The following DIPK2A variants were observed in gnomAD, a reference collection of about 807,000 sequenced individuals.
The protein encoded by DIPK2A is Golgi Protein of 49 kDa.
DIPK2A carries 27 observed loss-of-function variants against 39.0 expected under a neutral mutation model. That is an observed-to-expected ratio of 0.69 (90% CI 0.51 to 0.96). The LOEUF (loss-of-function observed/expected upper bound fraction) is 0.96. Among genes scored for constraint, DIPK2A ranks in the 40% least tolerant of loss-of-function variants. The pLI is 0.00. For missense variants in DIPK2A, 528 were observed against 571.3 expected (o/e 0.92, Z 0.77); for synonymous variants, 298 against 240.8 (o/e 1.24, Z -2.20).
chr3:143,986,655 G>C (rs955624994), intron 2 of DIPK2A, among the ~76,000 whole-genome samples: 6 of 151,242 alleles, frequency 4.0e-5, no homozygotes, highest in African/African-American at 1.5e-4. Flanking sequence ...ACCCCAGGGG[G>C]CGGAGCCTGC....
chr3:143,980,826 A>G (rs763318429), intron 1 of DIPK2A, among the ~76,000 whole-genome samples: 28 of 152,150 alleles, frequency 1.8e-4, no homozygotes, highest in Non-Finnish European at 3.1e-4. Flanking sequence ...CTGCAAAGCT[A>G]TGTTCCTTTT....
chr3:143,985,745 A>G lies in DIPK2A; in HGVS notation c.860A>G (p.Asp287Gly). ...NDFEFALYLL[D>G]VSFDNFAVGP... ...TTTGAATTTGCACTCTACCTCCTGGACGTCAGCTTTGACAATTTTGCAGTT... is the reference window on the plus strand; with the variant it reads ...TTTGAATTTGCACTCTACCTCCTGGGCGTCAGCTTTGACAATTTTGCAGTT... The change falls in exon 2 of 3, where the codon GAC becomes GGC. Residue 287 changes from aspartate to glycine, a missense_variant. By Grantham distance (94) the Asp-to-Gly change is moderately conservative. This residue lies in a region of DIPK2A where 219 missense variants were observed against 281.5 expected (regional missense o/e 0.78). Coordinates refer to ENST00000315691, the MANE Select transcript of DIPK2A (RefSeq NM_173552.5). 1 of 1,614,170 alleles carries G rather than the reference A, an allele frequency of 6.2e-7. No individual in the cohort carries two copies. The highest frequency in any genetic ancestry group is 8.5e-7 in the Non-Finnish European group (1 of 1,179,990).
rs995581146 is a variant in DIPK2A, at chr3:143,989,727, C to T, written c.1179C>T (p.Gly393=). 3 of 1,614,240 alleles carry T rather than the reference C, an allele frequency of 1.9e-6. No homozygotes were observed. The highest frequency in any genetic ancestry group is 1.7e-5 in the Admixed American group (1 of 60,022). ...HDPPSEIAKD[G]RLEALLDECA... ...CACCAAGTGAAATTGCCAAAGATGGCCGGCTCGAGGCCTTGCTGGATGAGT... is the reference window on the plus strand; with the variant it reads ...CACCAAGTGAAATTGCCAAAGATGGTCGGCTCGAGGCCTTGCTGGATGAGT... Residue 393 remains glycine, a synonymous_variant, in exon 3 of 3, where the codon GGC becomes GGT. Transcript: ENST00000315691.
intron 1 of DIPK2A, chr3:143,973,541 G>A (rs1419584707): frequency 1.9e-6 from 3 of 1,551,352 alleles, no homozygotes; most frequent in East Asian, 2.4e-5. Flanking sequence ...GGATGAAGTC[G>A]GAGAACGGGA....
At chr3:143,989,367 A>G (rs995103296) in intron 2 of DIPK2A, 143 bp from the exon 3 acceptor site, 2 of 595,602 alleles carry the variant, frequency 3.4e-6, no homozygotes, top group Non-Finnish European at 5.8e-6. Flanking sequence ...ATGAATTTAT[A>G]TATTTAAATG....
In DIPK2A at chr3:143,972,469, A is replaced by G; in HGVS notation, c.137A>G (p.Asp46Gly). The G allele has an allele frequency of 6.2e-7, 1 of 1,605,294 alleles. No homozygotes were observed. Among genetic ancestry groups the G allele is most frequent in the Non-Finnish European group, 8.5e-7 (1 of 1,175,180 alleles). ...LASWQRNELT[D>G]RRFLQLNKCP... ...TCTTGGCAGCGCAACGAACTGACCG[A>G]CCGGCGCTTCCTGCAGCTCAATAAG... Residue 46 changes from aspartate to glycine, a missense_variant, in exon 1 of 3, where the codon GAC (aspartate) becomes GGC (glycine). Asp to Gly is a moderately conservative substitution (Grantham distance 94, BLOSUM62 -1). Around this residue, in one of 2 missense-constraint regions of DIPK2A, gnomAD observed 309 missense variants for 289.8 expected, o/e 1.07. Transcript: ENST00000315691.
chr3:143,976,130 C>A (rs1432973123), intron 1 of DIPK2A, among the ~76,000 whole-genome samples: 1 of 152,016 alleles, frequency 6.6e-6, no homozygotes, highest in African/African-American at 2.4e-5. Context: ...ATATAAATTT[C>A]CCCATATGAA....
At chr3:143,978,586 ATATCTATC>A (rs370180376) in intron 1 of DIPK2A, 2 of 87,146 alleles carry the variant, frequency 2.3e-5, no homozygotes, top group African/African-American at 7.7e-5. Flanking sequence ...AAAGGTATCT[ATATCTATC>A]TATCTATCTA....
chr3:143,992,197 A>C lies in DIPK2A; in HGVS notation c.*2356A>C, dbSNP rs754886514. 6.6e-6 allele frequency: 1 copy of C among 152,602 alleles called. No homozygotes were observed. The highest frequency in any genetic ancestry group is 1.5e-5 in the Non-Finnish European group (1 of 68,022). The allele number at this position is 152,602 out of a possible 1,614,324, so 9.5% of individuals were successfully genotyped here. On this transcript the variant is annotated 3_prime_UTR_variant, in exon 3 of 3. Transcript: ENST00000315691. ...TCATTGCCCATTAATAGACGCAGTA[A>C]AATATTTTTGAATCAGACATTTGGG...
rs1201319749 is a variant in DIPK2A, at chr3:143,978,638, A to G, written c.657+5649A>G. ...TATCTATATCTATATATATATATAT[A>G]TCTATATATATATATATATATCTAT... is the stretch of plus-strand genomic sequence containing the variant. On this transcript the variant is annotated intron_variant, in intron 1 of 2. Coordinates refer to ENST00000315691, the MANE Select transcript of DIPK2A (RefSeq NM_173552.5). The G allele has an allele frequency of 4.4e-4, 32 of 72,304 alleles. No homozygotes were observed. The Middle Eastern group carries it at 0.021, about 48-fold the overall frequency. The allele number at this position is 72,304 out of a possible 1,614,324, so 4.5% of individuals were successfully genotyped here.
At chr3:143,978,642 A>ATATC (rs2087774557) in intron 1 of DIPK2A, 3 of 34,520 alleles carry the variant, frequency 8.7e-5, no homozygotes, top group Admixed American at 2.9e-4. Context: ...ATATATATCT[A>ATATC]TATATATATA....
In DIPK2A at chr3:143,985,743, G is replaced by C; in HGVS notation, c.858G>C (p.Leu286=). ...ACTTTGAATTTGCACTCTACCTCCT[G>C]GACGTCAGCTTTGACAATTTTGCAG... The part of the protein sequence containing the change: ...NNDFEFALYL[L]DVSFDNFAVG... Residue 286 remains leucine, a synonymous_variant, in exon 2 of 3, where the codon CTG becomes CTC. Coordinates refer to ENST00000315691, the MANE Select transcript of DIPK2A (RefSeq NM_173552.5). The C allele has an allele frequency of 3.1e-6, 5 of 1,614,108 alleles. No individual in the cohort carries two copies. The highest frequency in any genetic ancestry group is 4.2e-6 in the Non-Finnish European group (5 of 1,179,990).
intron 1 of DIPK2A, among the ~76,000 whole-genome samples, chr3:143,981,000 T>C (rs1576809507): frequency 6.6e-6 from 1 of 152,330 alleles, no homozygotes; most frequent in South Asian, 2.1e-4. Context: ...TCTCATGTCA[T>C]TTATTTTTTG....
Position 143,982,289 on chromosome 3 carries a change from T to A in DIPK2A, c.658-3254T>A, listed in dbSNP as rs138218718. Reference sequence around the variant, plus strand: ...GGGTTCATTATTTGTAGATGCCGTTTTAGTAGGTGTTTAGGAGGTGCATGA... The same window carrying A: ...GGGTTCATTATTTGTAGATGCCGTTATAGTAGGTGTTTAGGAGGTGCATGA... On this transcript the variant is annotated intron_variant, in intron 1 of 2. Coordinates refer to ENST00000315691, the MANE Select transcript of DIPK2A (RefSeq NM_173552.5). Among the ~76,000 whole-genome samples the A allele has an allele frequency of 5.3e-5, 8 of 152,286 alleles. 1 individual carries two copies. The highest frequency in any genetic ancestry group is 1.9e-4 in the African/African-American group (8 of 41,562).
At chr3:143,983,640 T>G (rs866643517) in intron 1 of DIPK2A, among the ~76,000 whole-genome samples, 1 of 151,882 alleles carries the variant, frequency 6.6e-6, no homozygotes, top group Admixed American at 6.6e-5. Flanking sequence ...ACATCACAAT[T>G]AAAAGAACTG....
intron 1 of DIPK2A, chr3:143,973,703 C>G (rs936161754): frequency 6.1e-6 from 4 of 650,430 alleles, no homozygotes; most frequent in South Asian, 1.9e-5. Context: ...CCCTATTCAT[C>G]TGGTAATCTA....
intron 2 of DIPK2A, among the ~76,000 whole-genome samples, chr3:143,988,205 C>A (rs1234780117): frequency 1.3e-5 from 2 of 151,808 alleles, no homozygotes; most frequent in Non-Finnish European, 2.9e-5. Context: ...CTCAAGTGAT[C>A]TTCCTGCCTC....
intron 1 of DIPK2A, among the ~76,000 whole-genome samples, chr3:143,980,464 A>G (rs1001825317): frequency 6.6e-6 from 1 of 151,970 alleles, no homozygotes; most frequent in Non-Finnish European, 1.5e-5. Flanking sequence ...GACGAGTTTC[A>G]CCATGTTGGC....
rs944791663 is a variant in DIPK2A, at chr3:143,985,953, T to G, written c.961+107T>G. ...GAATTTCCTCCTTAGATGGCAACTT[T>G]AAGCGTCTTTCTTTGCTTTATATGA... On this transcript the variant is annotated intron_variant, in intron 2 of 2. Coordinates refer to ENST00000315691, the MANE Select transcript of DIPK2A (RefSeq NM_173552.5). 4.7e-6 allele frequency: 4 copies of G among 845,398 alleles called. No homozygotes were observed. The African/African-American group carries it at 6.9e-5, about 15-fold the overall frequency. The allele number at this position is 845,398 out of a possible 1,614,324, so 52.4% of individuals were successfully genotyped here. A position where few individuals can be genotyped will look rare whatever the true frequency, so the allele number is the denominator to read the frequency against.
Sources: allele counts gnomAD v4.1 joint callset (sites outside exome capture counted in the v4.1 genomes callset), GRCh38; gene constraint gnomAD v4.1.1; regional missense constraint gnomAD v4.1.1; transcripts MANE v1.5; gene names NCBI Gene and HGNC (gene_info 2026-07-23, HGNC 2026-07-21).